NUP50: variants seen among roughly 807,000 people sequenced by gnomAD.
NUP50 encodes nuclear pore complex protein Nup50.
Under a neutral mutation model 36.8 loss-of-function variants are expected in NUP50, and 14 were observed. The ratio of observed to expected loss-of-function variants is 0.38; its 90% CI spans 0.25 to 0.59. The LOEUF (loss-of-function observed/expected upper bound fraction) is 0.59, where lower values mean the gene tolerates loss of function less well. Among genes scored for constraint, NUP50 ranks in the 20% least tolerant of loss-of-function variants. NUP50 has a pLI of 0.63. For missense variants in NUP50, 455 were observed against 564.6 expected, an observed-to-expected ratio of 0.81 and a Z score of 1.97; for synonymous variants, 195 against 210.8, an observed-to-expected ratio of 0.93 and a Z score of 0.65.
At position 45,186,212 on chromosome 22, in the gene NUP50, T is replaced by G. The variant is rs1259749640; in HGVS notation, c.*1557T>G. 1 of 152,316 alleles carries G rather than the reference T, an allele frequency of 6.6e-6. No homozygotes were observed. The highest frequency in any genetic ancestry group is 2.4e-5 in the African/African-American group (1 of 41,562). 9.4% of individuals were successfully genotyped at this position (152,316 alleles called of 1,614,324 possible). A position where few individuals can be genotyped will look rare whatever the true frequency, so the allele number is the denominator to read the frequency against. On this transcript the variant is annotated 3_prime_UTR_variant, in exon 8 of 8. Coordinates refer to ENST00000347635, the MANE Select transcript of NUP50 (RefSeq NM_007172.4). ...GTGTGTGGCTTTGGATGAATCCGTG[T>G]AGAGAGAGGTGAGCTTGTCCTGTTA...
Position 45,176,040 on chromosome 22 carries a change from C to T in NUP50, c.300C>T (p.Phe100=), listed in dbSNP as rs767008676. 3 of 1,614,168 alleles carry T rather than the reference C, an allele frequency of 1.9e-6. No individual in the cohort carries two copies. The highest frequency in any genetic ancestry group is 2.2e-5 in the East Asian group (1 of 44,888). Residue 100 remains phenylalanine (F), a synonymous_variant, in exon 4 of 8, where the codon TTC becomes TTT. Coordinates refer to ENST00000347635, the MANE Select transcript of NUP50 (RefSeq NM_007172.4). The part of the protein sequence containing the change: ...NGNNITSAPP[F]ASAKAAADPK... Reference sequence around the variant, plus strand: ...ACAACATAACCAGTGCCCCTCCCTTCGCCAGTGCAAAGGCAGCGGCAGATC... The same window carrying T: ...ACAACATAACCAGTGCCCCTCCCTTTGCCAGTGCAAAGGCAGCGGCAGATC...
intron 3 of NUP50, among the ~76,000 whole-genome samples, chr22:45,175,054 A>C (rs1056930482): frequency 6.6e-6 from 1 of 152,162 alleles, no homozygotes; most frequent in African/African-American, 2.4e-5. Context: ...TCGGTCTAAG[A>C]AGCAGATCAC....
intron 2 of NUP50, among the ~76,000 whole-genome samples, chr22:45,169,717 G>C (rs1183858184): frequency 3.9e-5 from 6 of 152,226 alleles, no homozygotes; most frequent in Admixed American, 3.9e-4. Context: ...AGGGCCGCTT[G>C]AGGGCTCCTT....
chr22:45,182,651 GTC>G (rs2074394388), intron 6 of NUP50, among the ~76,000 whole-genome samples: 1 of 114,502 alleles, frequency 8.7e-6, no homozygotes, highest in East Asian at 2.6e-4. Context: ...TTGAGACGGA[GTC>G]TCTTTCTGTC....
intron 7 of NUP50, chr22:45,183,894 A>G (rs1016063926): frequency 4.4e-6 from 1 of 227,838 alleles, no homozygotes; most frequent in Non-Finnish European, 8.8e-6. Context: ...GTCCACTGCA[A>G]GGATCCTAGT....
chr22:45,184,924 C>T lies in NUP50; in HGVS notation c.*269C>T. On this transcript the variant is annotated 3_prime_UTR_variant, in exon 8 of 8. Transcript: ENST00000347635. ...TTTAATGTTCGTTTATTAAACTAAC[C>T]CTAAGTGATTTCTTCAAGGACTGCA... 1 of 456,562 alleles carries T rather than the reference C, an allele frequency of 2.2e-6. No homozygotes were observed. The allele number at this position is 456,562 out of a possible 1,614,324, so 28.3% of individuals were successfully genotyped here.
chr22:45,187,223 G>T lies in NUP50; in HGVS notation c.*2568G>T. 7.2e-6 allele frequency: 1 copy of T among 138,032 alleles called. No individual in the cohort carries two copies. The highest frequency in any genetic ancestry group is 2.3e-4 in the South Asian group (1 of 4,444). The allele number at this position is 138,032 out of a possible 1,614,324, so 8.6% of individuals were successfully genotyped here. On this transcript the variant is annotated 3_prime_UTR_variant, in exon 8 of 8. Transcript: ENST00000347635. Reference sequence around the variant, plus strand: ...CATCTCATCCTTTTGCGCATTCCTAGTAAGCAAAAAAATTTGTTATGCCAT... The same window carrying T: ...CATCTCATCCTTTTGCGCATTCCTATTAAGCAAAAAAATTTGTTATGCCAT...
Position 45,183,383 on chromosome 22 carries a change from C to T in NUP50, c.1086-19C>T. The T allele has an allele frequency of 7.2e-7, 1 of 1,393,768 alleles. No homozygotes were observed. Among genetic ancestry groups the T allele is most frequent in the Non-Finnish European group, 1.0e-6 (1 of 982,768 alleles). 86.3% of individuals were successfully genotyped at this position (1,393,768 alleles called of 1,614,324 possible). ...TTCGTCCTTGAATGCTTGATGGTCC[C>T]TATTATTTTTCTCCATAGGTGTAAA... On this transcript the variant is annotated intron_variant, in intron 6 of 7. Coordinates refer to ENST00000347635, the MANE Select transcript of NUP50 (RefSeq NM_007172.4).
At chr22:45,167,551 C>G (rs771013754) in intron 1 of NUP50, among the ~76,000 whole-genome samples, 1 of 152,170 alleles carries the variant, frequency 6.6e-6, no homozygotes, top group Non-Finnish European at 1.5e-5. Context: ...AGAATACTAA[C>G]ACACCCATGT....
chr22:45,168,386 T>C, intron 2 of NUP50, 140 bp downstream of exon 2: 1 of 626,554 alleles, frequency 1.6e-6, no homozygotes, highest in Non-Finnish European at 2.9e-6. Context: ...AGAAATTATA[T>C]GACCTGTACT....
rs2074414218 is a variant in NUP50 at position 45,183,447 on chromosome 22, C to T, written c.1131C>T (p.Gly377=). ...YKKDNEFKEK[G]IGTLHLKPTA... The stretch of plus-strand genomic sequence containing the variant: ...AAGACAATGAGTTTAAAGAGAAAGG[C>T]ATAGGTACTCTGCATTTAAAACCTA... Residue 377 remains glycine (G), a synonymous_variant, in exon 7 of 8, where the codon GGC becomes GGT. Transcript: ENST00000347635. 1 of 1,610,714 alleles carries T rather than the reference C, an allele frequency of 6.2e-7. No homozygotes were observed.
chr22:45,171,109 G>C (rs2074185968), intron 2 of NUP50: 2 of 1,279,720 alleles, frequency 1.6e-6, no homozygotes, highest in Non-Finnish European at 2.0e-6. Context: ...TGTCCAGCAA[G>C]GTCCTAGGTG....
At chr22:45,180,640 C>T (rs961605619) in intron 5 of NUP50, among the ~76,000 whole-genome samples, 3 of 152,096 alleles carry the variant, frequency 2.0e-5, no homozygotes, top group Non-Finnish European at 4.4e-5. Flanking sequence ...GGCCCTGCAG[C>T]GTGCTGGGAT....
chr22:45,172,862 A>G (rs1208096225), intron 3 of NUP50, among the ~76,000 whole-genome samples: 2 of 152,242 alleles, frequency 1.3e-5, no homozygotes, highest in Non-Finnish European at 2.9e-5. Context: ...AATTATAAAA[A>G]TAAAGTATTC....
rs774142280 is a variant in NUP50, at chr22:45,184,757, TATAG to T, written c.*106_*109del. 132 of 829,198 alleles carry T rather than the reference TATAG, an allele frequency of 1.6e-4. No homozygotes were observed. The highest frequency in any genetic ancestry group is 1.9e-4 in the Non-Finnish European group (99 of 513,204). The allele number at this position is 829,198 out of a possible 1,614,324, so 51.4% of individuals were successfully genotyped here. ...TCTCTTCTTTGACATTCTAAGAACT[TATAG>T]ATAACTTAAAACTTTTGTGAGGAAG... On this transcript the variant is annotated 3_prime_UTR_variant, in exon 8 of 8. Transcript: ENST00000347635.
intron 3 of NUP50, among the ~76,000 whole-genome samples, chr22:45,174,591 A>G (rs552415203): frequency 3.0e-4 from 46 of 152,296 alleles, no homozygotes; most frequent in African/African-American, 1.1e-3. Context: ...ACTATCAGCA[A>G]TTTCTAAAAT....
At chr22:45,166,635 C>A (rs987951789) in intron 1 of NUP50, among the ~76,000 whole-genome samples, 1 of 151,340 alleles carries the variant, frequency 6.6e-6, no homozygotes, top group Non-Finnish European at 1.5e-5. Flanking sequence ...CTTCTTACTT[C>A]TCCAACCCTC....
intron 2 of NUP50, 77 bp downstream of exon 2, chr22:45,168,323 CTT>C (rs2074127516): frequency 9.0e-7 from 1 of 1,114,120 alleles, no homozygotes; most frequent in East Asian, 2.4e-5. Context: ...CTCATGAAGA[CTT>C]GTGACAGAAC....
At chr22:45,177,141 T>TA (rs1272955829) in intron 4 of NUP50, among the ~76,000 whole-genome samples, 2 of 152,146 alleles carry the variant, frequency 1.3e-5, no homozygotes, top group African/African-American at 4.8e-5. Flanking sequence ...GCATAACTCT[T>TA]AGATAGGAAA....
Sources: gnomAD v4.1 joint callset for allele counts (sites outside exome capture counted in the v4.1 genomes callset) on GRCh38, gnomAD v4.1.1 for gene constraint, MANE v1.5 for transcripts, NCBI Gene and HGNC (gene_info 2026-07-23, HGNC 2026-07-21) for gene names.